CAMK1D: variants seen among roughly 807,000 people sequenced by gnomAD.
CAMK1D encodes the protein calcium/calmodulin-dependent protein kinase type 1D.
A neutral mutation model predicts 47.7 loss-of-function variants in CAMK1D; 9 were observed. The ratio of observed to expected loss-of-function variants is 0.19; its 90% CI spans 0.11 to 0.33. CAMK1D has a LOEUF of 0.33. Ranked by LOEUF, CAMK1D falls within the 10% of genes least tolerant of loss-of-function variation. The pLI is 1.00. For synonymous variants in CAMK1D, 184 were observed against 184.9 expected (o/e 0.99, Z 0.04); for missense variants, 291 against 488.7 (o/e 0.60, Z 3.81).
rs2801497 is a variant in CAMK1D, at chr10:12,379,101, C to T, written c.92+29191C>T. Reference sequence around the variant, plus strand: ...TTGGGATTACAGGCAAGAGCCACTGCACCTGACCAAGCATGCATTTCTTTT... The same window carrying T: ...TTGGGATTACAGGCAAGAGCCACTGTACCTGACCAAGCATGCATTTCTTTT... On this transcript the variant is annotated intron_variant, in intron 1 of 10. Coordinates refer to ENST00000619168, the MANE Select transcript of CAMK1D (RefSeq NM_153498.4). Among the ~76,000 whole-genome samples, 701 of 152,184 alleles carry T rather than the reference C, an allele frequency of 4.6e-3. 4 individuals are homozygous for T. Among genetic ancestry groups the T allele is most frequent in the African/African-American group, 0.016 (653 of 41,546 alleles).
chr10:12,424,986 C>T (rs1840178462), intron 1 of CAMK1D, among the ~76,000 whole-genome samples: 1 of 152,212 alleles, frequency 6.6e-6, no homozygotes, highest in Non-Finnish European at 1.5e-5. Flanking sequence ...CTTCCTGGTT[C>T]AGGTGATACA....
At chr10:12,736,718 G>C (rs929728118) in intron 3 of CAMK1D, among the ~76,000 whole-genome samples, 8 of 30,862 alleles carry the variant, frequency 2.6e-4, no homozygotes, top group African/African-American at 3.2e-4. Context: ...TGCTTCTTTT[G>C]ATGAATAGCA....
chr10:12,760,676 G>A (rs1326882157), intron 3 of CAMK1D: 5 of 348,282 alleles, frequency 1.4e-5, no homozygotes, highest in African/African-American at 8.1e-5. Flanking sequence ...CATCATCACA[G>A]CAGAACAGAG....
chr10:12,463,386 C>T (rs983043202), intron 1 of CAMK1D, among the ~76,000 whole-genome samples: 3 of 152,266 alleles, frequency 2.0e-5, no homozygotes, highest in African/African-American at 7.2e-5. Context: ...GATTCACCCA[C>T]CTCAGCCTCC....
At chr10:12,389,736 A>G (rs780413298) in intron 1 of CAMK1D, among the ~76,000 whole-genome samples, 48 of 152,196 alleles carry the variant, frequency 3.2e-4, no homozygotes, top group Non-Finnish European at 5.0e-4. Context: ...CTCTCTGGAC[A>G]CAGTGTCCTT....
intron 1 of CAMK1D, among the ~76,000 whole-genome samples, chr10:12,412,046 A>G (rs1265660431): frequency 6.6e-6 from 1 of 152,226 alleles, no homozygotes; most frequent in Non-Finnish European, 1.5e-5. Context: ...CTGGTTTCTC[A>G]GGTGACAACT....
At chr10:12,369,478 T>A (rs1837944604) in intron 1 of CAMK1D, among the ~76,000 whole-genome samples, 2 of 152,058 alleles carry the variant, frequency 1.3e-5, no homozygotes, top group South Asian at 4.1e-4. Flanking sequence ...CATATGAAGC[T>A]GAAAAGAGGG....
intron 7 of CAMK1D, among the ~76,000 whole-genome samples, chr10:12,815,482 A>G (rs1028913417): frequency 4.6e-5 from 7 of 152,262 alleles, no homozygotes; most frequent in Admixed American, 3.9e-4. Flanking sequence ...ATAGTTGTAC[A>G]AGGCTCGCGG....
intron 5 of CAMK1D, among the ~76,000 whole-genome samples, chr10:12,778,383 C>A (rs1014898988): frequency 1.3e-5 from 2 of 152,182 alleles, no homozygotes; most frequent in African/African-American, 4.8e-5. Context: ...TGTACACACC[C>A]TTTGCAAGGA....
intron 2 of CAMK1D, among the ~76,000 whole-genome samples, chr10:12,600,405 C>T (rs984450258): frequency 2.6e-5 from 4 of 152,160 alleles, no homozygotes; most frequent in Middle Eastern, 3.2e-3. Context: ...GAAAGAGTCC[C>T]TACTCGGTAA....
chr10:12,800,129 G>T (rs1425826924), intron 6 of CAMK1D, among the ~76,000 whole-genome samples: 1 of 152,082 alleles, frequency 6.6e-6, no homozygotes, highest in African/African-American at 2.4e-5. Flanking sequence ...AGTTTCCCTG[G>T]CCTGCTCTCT....
intron 1 of CAMK1D, among the ~76,000 whole-genome samples, chr10:12,532,547 G>A (rs1172523485): frequency 6.6e-6 from 1 of 152,166 alleles, no homozygotes; most frequent in Non-Finnish European, 1.5e-5. Context: ...CCAAAGTGCT[G>A]GGATTACAGG....
chr10:12,703,848 G>A (rs577353418), intron 3 of CAMK1D, among the ~76,000 whole-genome samples: 412 of 147,722 alleles, frequency 2.8e-3, no homozygotes, highest in Non-Finnish European at 4.7e-3. Context: ...CAGCCAGGAC[G>A]ACAGATCGAG....
chr10:12,408,753 G>A (rs1019361159), intron 1 of CAMK1D, among the ~76,000 whole-genome samples: 9 of 151,984 alleles, frequency 5.9e-5, no homozygotes, highest in African/African-American at 2.2e-4. Context: ...TCTGTGATGT[G>A]CCCACGTGTT....
intron 2 of CAMK1D, among the ~76,000 whole-genome samples, chr10:12,665,839 GC>G (rs1278620347): frequency 1.3e-5 from 2 of 152,236 alleles, no homozygotes; most frequent in African/African-American, 4.8e-5. Flanking sequence ...TGGAAATGCA[GC>G]CTTCGAGGCC....
intron 2 of CAMK1D, among the ~76,000 whole-genome samples, chr10:12,635,584 G>A (rs976164884): frequency 6.6e-6 from 1 of 152,138 alleles, no homozygotes; most frequent in Non-Finnish European, 1.5e-5. Context: ...TGCTGGGGGG[G>A]AAGAGGCCCT....
chr10:12,725,409 G>GT (rs1216879344), intron 3 of CAMK1D: 1 of 155,426 alleles, frequency 6.4e-6, no homozygotes, highest in Admixed American at 6.5e-5. Context: ...AAAGTAGGGG[G>GT]TTTTCTTCCT....
At chr10:12,628,134 G>C (rs1360497367) in intron 2 of CAMK1D, among the ~76,000 whole-genome samples, 1 of 151,604 alleles carries the variant, frequency 6.6e-6, no homozygotes, top group Non-Finnish European at 1.5e-5. Context: ...CCCAGTTTCA[G>C]GCTATTAAGT....
Position 12,769,867 on chromosome 10 carries a change from G to C in CAMK1D, c.565+68G>C, listed in dbSNP as rs187224884. 110 of 1,555,482 alleles carry C rather than the reference G, an allele frequency of 7.1e-5. No individual in the cohort carries two copies. The Admixed American group carries it at 1.8e-3, about 26-fold the overall frequency. ...ATGTCCTCATGTGTGGTGTCACCACGTGTCAACTCATCAGTTGTGTGAAAC... is the reference window on the plus strand; with the variant it reads ...ATGTCCTCATGTGTGGTGTCACCACCTGTCAACTCATCAGTTGTGTGAAAC... On this transcript the variant is annotated intron_variant, in intron 5 of 10. Transcript: ENST00000619168.
Sources: gnomAD v4.1 joint callset for allele counts (sites outside exome capture counted in the v4.1 genomes callset) on GRCh38, gnomAD v4.1.1 for gene constraint, MANE v1.5 for transcripts, NCBI Gene and HGNC (gene_info 2026-07-23, HGNC 2026-07-21) for gene names.